The following HERC6 variants were observed in gnomAD, a reference collection of about 807,000 sequenced individuals.
HERC6 encodes the protein probable E3 ubiquitin-protein ligase HERC6.
In HERC6, 101 loss-of-function variants were observed where a neutral mutation model predicts 114.5. The ratio of observed to expected loss-of-function variants is 0.88; its 90% confidence interval spans 0.75 to 1.04. HERC6 has a LOEUF of 1.04. HERC6 is among the 50% of genes least tolerant of loss of function. The pLI, the probability that HERC6 is intolerant of heterozygous loss-of-function variation, is 0.00. For synonymous variants in HERC6, 408 were observed against 436.2 expected (o/e 0.94, Z 0.81); for missense variants, 1,133 against 1,230.9 (o/e 0.92, Z 1.19).
chr4:88,442,549 A>C lies in HERC6; in HGVS notation c.*89A>C. 1.0e-6 allele frequency: 1 copy of C among 961,798 alleles called. No individual in the cohort carries two copies. Among genetic ancestry groups the C allele is most frequent in the East Asian group, 2.6e-5 (1 of 38,378 alleles). The allele number at this position is 961,798 out of a possible 1,614,324, so 59.6% of individuals were successfully genotyped here. On this transcript the variant is annotated 3_prime_UTR_variant, in exon 23 of 23. Coordinates refer to ENST00000264346, the MANE Select transcript of HERC6 (RefSeq NM_017912.4). ...TAAATAATACAAGAGATTAATGAAT[A>C]GTGGTTAGAAGTAGTTGAGGGAGAG...
At chr4:88,402,537 G>A (rs1205535988) in intron 8 of HERC6, among the ~76,000 whole-genome samples, 2 of 152,164 alleles carry the variant, frequency 1.3e-5, no homozygotes, top group African/African-American at 2.4e-5. Context: ...GTGGAGCAGA[G>A]GAAAATAGTG....
intron 1 of HERC6, among the ~76,000 whole-genome samples, chr4:88,379,602 A>G (rs958465826): frequency 7.1e-6 from 1 of 141,830 alleles, no homozygotes; most frequent in Admixed American, 7.8e-5. Context: ...TCTCCCTTAG[A>G]AATACACTGG....
In HERC6 at chr4:88,413,151, T is replaced by C; in HGVS notation, c.1443T>C (p.Val481=). The C allele has an allele frequency of 6.2e-7, 1 of 1,613,700 alleles. No homozygotes were observed. The highest frequency in any genetic ancestry group is 8.5e-7 in the Non-Finnish European group (1 of 1,179,660). The part of the protein sequence containing the change: ...CHSPHQEALS[V]FLLLPECPVM... ...CTCCACACCAAGAAGCTTTATCAGT[T>C]TTCCTCCTGCTCCCAGAATGTCCTG... The change falls in exon 12 of 23, where the codon GTT becomes GTC. Residue 481 remains valine, a synonymous_variant. Coordinates refer to ENST00000264346, the MANE Select transcript of HERC6 (RefSeq NM_017912.4).
chr4:88,429,077 G>A (rs1034140708), intron 16 of HERC6, among the ~76,000 whole-genome samples: 8 of 152,170 alleles, frequency 5.3e-5, no homozygotes, highest in African/African-American at 1.9e-4. Context: ...ACTCATCTGG[G>A]TGGCTTTGCA....
At chr4:88,410,425 G>A (rs1736030931) in intron 11 of HERC6, among the ~76,000 whole-genome samples, 1 of 152,170 alleles carries the variant, frequency 6.6e-6, no homozygotes, top group Admixed American at 6.5e-5. Flanking sequence ...AGGCAGGTTT[G>A]CACTAAGCAG....
intron 1 of HERC6, among the ~76,000 whole-genome samples, chr4:88,379,670 A>G (rs1258177374): frequency 1.3e-5 from 1 of 76,618 alleles, no homozygotes; most frequent in Non-Finnish European, 2.2e-5. Flanking sequence ...AATATATATA[A>G]TATATAAATA....
In HERC6 at chr4:88,386,405, T is replaced by C. The variant is rs187672227; in HGVS notation, c.436+830T>C. Among the ~76,000 whole-genome samples the C allele has an allele frequency of 2.9e-3, 447 of 151,938 alleles. 3 individuals are homozygous for C. Among genetic ancestry groups the C allele is most frequent in the African/African-American group, 0.01 (421 of 41,444 alleles). The stretch of plus-strand genomic sequence containing the variant: ...ATTTTTAGTATAGACGAGGTTTCAC[T>C]ATGTTGGCCAGGCTGGTCTCGAACT... On this transcript the variant is annotated intron_variant, in intron 3 of 22. Transcript: ENST00000264346.
chr4:88,387,676 G>A (rs1734659346), intron 3 of HERC6, among the ~76,000 whole-genome samples: 1 of 152,128 alleles, frequency 6.6e-6, no homozygotes, highest in South Asian at 2.1e-4. Context: ...ATTTAACTTG[G>A]CTGAGTCTCA....
intron 1 of HERC6, among the ~76,000 whole-genome samples, chr4:88,382,250 T>C (rs1487337407): frequency 1.3e-5 from 2 of 152,200 alleles, no homozygotes; most frequent in East Asian, 3.8e-4. Context: ...CCTCTAATAA[T>C]TCAGAGACAG....
intron 16 of HERC6, among the ~76,000 whole-genome samples, chr4:88,429,367 C>T (rs1474118150): frequency 6.6e-6 from 1 of 152,180 alleles, no homozygotes; most frequent in East Asian, 1.9e-4. Context: ...AGACATGGAT[C>T]ACAGAGGGGT....
chr4:88,401,490 CAAAAAAAAA>C (rs934279048), intron 8 of HERC6, among the ~76,000 whole-genome samples: 1 of 56,736 alleles, frequency 1.8e-5, no homozygotes, highest in South Asian at 5.5e-4. Flanking sequence ...GACTCCATCT[CAAAAAAAAA>C]AAAAAAAAGA....
chr4:88,393,388 C>G, intron 4 of HERC6, 100 bp from the exon 5 acceptor site: 1 of 524,140 alleles, frequency 1.9e-6, no homozygotes, highest in Non-Finnish European at 3.2e-6. Flanking sequence ...AAATATATCT[C>G]TTACACAAAA....
rs1738685576 is a variant in HERC6 at position 88,435,903 on chromosome 4, T to C, written c.2417+12T>C. On this transcript the variant is annotated intron_variant, in intron 18 of 22. Transcript: ENST00000264346. ...CCTCGGTTGGGGAAGTAAGTAAATATAACGTTTTTTCAGGACCGTATCTAG... is the reference window on the plus strand; with the variant it reads ...CCTCGGTTGGGGAAGTAAGTAAATACAACGTTTTTTCAGGACCGTATCTAG... The C allele has an allele frequency of 1.3e-6, 2 of 1,592,946 alleles. No individual in the cohort carries two copies. The highest frequency in any genetic ancestry group is 1.1e-5 in the South Asian group (1 of 87,288).
At chr4:88,400,210 T>C (rs1246218912) in intron 8 of HERC6, among the ~76,000 whole-genome samples, 1 of 152,162 alleles carries the variant, frequency 6.6e-6, no homozygotes, top group Non-Finnish European at 1.5e-5. Flanking sequence ...TGTTTGTTTG[T>C]TTGCTTGTTT....
Position 88,396,947 on chromosome 4 carries a change from G to T in HERC6, c.984G>T (p.Leu328=), listed in dbSNP as rs373084191. ...GCAAGCCAACTCATCCGGAGGCCCT[G>T]ACAGAGAACTTTGACATTAGCTGCC... is the stretch of plus-strand genomic sequence containing the variant. ...DTSKPTHPEA[L]TENFDISCLI... Residue 328 remains leucine (L), a synonymous_variant, in exon 7 of 23, where the codon CTG becomes CTT. Coordinates refer to ENST00000264346, the MANE Select transcript of HERC6 (RefSeq NM_017912.4). The T allele has an allele frequency of 8.0e-5, 129 of 1,612,854 alleles. No individual in the cohort carries two copies. Among genetic ancestry groups the T allele is most frequent in the Non-Finnish European group, 8.0e-5 (94 of 1,179,338 alleles).
In HERC6 at chr4:88,408,560, A is replaced by C. The variant is rs761732158; in HGVS notation, c.1311A>C (p.Leu437Phe). Residue 437 changes from leucine to phenylalanine, a missense_variant, in exon 11 of 23, where the codon TTA becomes TTC. Physicochemically the swap from Leu to Phe is conservative, Grantham distance 22. This residue lies in a region of HERC6 where 735 missense variants were observed against 754.0 expected (regional missense o/e 0.97). Coordinates refer to ENST00000264346, the MANE Select transcript of HERC6 (RefSeq NM_017912.4). ...AAACGACTTCCATTGATGTGGACTTAGAAATGGCAAGAGATACCTTCAAGA... is the reference window on the plus strand; with the variant it reads ...AAACGACTTCCATTGATGTGGACTTCGAAATGGCAAGAGATACCTTCAAGA... The part of the protein sequence containing the change: ...TGETTSIDVD[L>F]EMARDTFKKL... The C allele has an allele frequency of 2.4e-5, 38 of 1,599,608 alleles. No homozygotes were observed. In the South Asian group the frequency reaches 4.1e-4, roughly 17 times the overall value.
At chr4:88,425,247 A>G (rs554330697) in intron 15 of HERC6, among the ~76,000 whole-genome samples, 5 of 152,344 alleles carry the variant, frequency 3.3e-5, no homozygotes, top group South Asian at 2.1e-4. Context: ...TAGAGTTTGT[A>G]AATGCCTCTT....
intron 8 of HERC6, 30 bp from the exon 9 acceptor site, chr4:88,404,846 T>G: frequency 6.2e-7 from 1 of 1,610,482 alleles, no homozygotes. Flanking sequence ...TGTGTGTTCC[T>G]GATCATTCTT....
intron 12 of HERC6, among the ~76,000 whole-genome samples, chr4:88,414,133 AG>A (rs1736291119): frequency 6.6e-6 from 1 of 152,122 alleles, no homozygotes; most frequent in Non-Finnish European, 1.5e-5. Flanking sequence ...TCAGCATACC[AG>A]GGTGCCATAT....
Sources: gnomAD v4.1 joint callset for allele counts (sites outside exome capture counted in the v4.1 genomes callset) on GRCh38, gnomAD v4.1.1 for gene constraint, gnomAD v4.1.1 regional missense constraint, MANE v1.5 for transcripts, NCBI Gene and HGNC (gene_info 2026-07-23, HGNC 2026-07-21) for gene names.